SCTR: variants seen among roughly 807,000 people sequenced by gnomAD.
SCTR encodes pancreatic secretin receptor.
SCTR carries 56 observed loss-of-function variants against 60.8 expected under a neutral mutation model. The observed-to-expected ratio is 0.92, with a 90% CI of 0.74 to 1.15. The LOEUF (loss-of-function observed/expected upper bound fraction) is 1.15, where lower values mean the gene tolerates loss of function less well. SCTR is among the 50% of genes most tolerant of loss of function. SCTR has a pLI of 0.00. For missense variants in SCTR, 562 were observed against 550.4 expected (o/e 1.02, Z -0.21); for synonymous variants, 202 against 217.0 (o/e 0.93, Z 0.61).
chr2:119,466,228 G>A (rs1053475307), intron 4 of SCTR, among the ~76,000 whole-genome samples: 15 of 152,092 alleles, frequency 9.9e-5, no homozygotes, highest in Admixed American at 5.2e-4. Flanking sequence ...AAGTTATTTG[G>A]TGTAAAATAG....
chr2:119,487,956 C>T (rs907556948), intron 2 of SCTR, among the ~76,000 whole-genome samples: 4 of 152,118 alleles, frequency 2.6e-5, no homozygotes, highest in African/African-American at 7.2e-5. Flanking sequence ...GGAGAGGCCC[C>T]CTGGACACCA....
At chr2:119,486,817 A>C (rs1677888488) in intron 2 of SCTR, 1 of 152,278 alleles carries the variant, frequency 6.6e-6, no homozygotes, top group Non-Finnish European at 1.5e-5. Context: ...TTTTGGAAAA[A>C]TGAGCCAAGA....
chr2:119,493,038 A>G (rs1678199539), intron 2 of SCTR, among the ~76,000 whole-genome samples: 1 of 151,670 alleles, frequency 6.6e-6, no homozygotes. Flanking sequence ...TGTATTTTTA[A>G]TAGAGATGGG....
chr2:119,478,772 C>A, intron 3 of SCTR, 39 bp downstream of exon 3: 1 of 1,603,128 alleles, frequency 6.2e-7, no homozygotes. Context: ...AGGGACACCC[C>A]TCAGCCTGTC....
chr2:119,507,678 T>C (rs1017608670), intron 1 of SCTR, among the ~76,000 whole-genome samples: 419 of 83,836 alleles, frequency 5.0e-3, no homozygotes, highest in African/African-American at 0.013. Flanking sequence ...TTTTTTTTTT[T>C]TCTTTTTTTT....
chr2:119,480,090 A>G (rs1215004715), intron 2 of SCTR, among the ~76,000 whole-genome samples: 4 of 152,250 alleles, frequency 2.6e-5, no homozygotes, highest in Admixed American at 2.6e-4. Context: ...CAGTTGAAAT[A>G]CAATTAATTT....
intron 4 of SCTR, among the ~76,000 whole-genome samples, chr2:119,468,205 A>G (rs1683917511): frequency 6.6e-6 from 1 of 152,202 alleles, no homozygotes; most frequent in African/African-American, 2.4e-5. Flanking sequence ...ACAGTGGATA[A>G]GGGCTATTTA....
At position 119,461,970 on chromosome 2, in the gene SCTR, G is replaced by A; in HGVS notation, c.667C>T (p.Gln223Ter). 1 of 1,611,160 alleles carries A rather than the reference G, an allele frequency of 6.2e-7. No individual in the cohort carries two copies. Among genetic ancestry groups the A allele is most frequent in the Non-Finnish European group, 8.5e-7 (1 of 1,178,756 alleles). The change falls in exon 7 of 13, where the codon CAG (glutamine) becomes TAG (stop). Residue 223 changes from glutamine to a stop codon, truncating the protein, a stop_gained. Transcript: ENST00000019103. LOFTEE classifies it high-confidence loss of function. ...AGCKLVMVLF[Q>*]YCIMANYSWL... ...GAGTAGTTGGCCATGATGCAGTACTGGAACAGCACCATGACCAGCTTGCAG... is the reference window on the plus strand; with the variant it reads ...GAGTAGTTGGCCATGATGCAGTACTAGAACAGCACCATGACCAGCTTGCAG...
At chr2:119,501,422 A>T (rs887616672) in intron 1 of SCTR, among the ~76,000 whole-genome samples, 1 of 151,598 alleles carries the variant, frequency 6.6e-6, no homozygotes, top group Non-Finnish European at 1.5e-5. Context: ...AAAAAAAAAA[A>T]GTGGATCTCT....
At chr2:119,478,224 T>C (rs1369705035) in intron 3 of SCTR, among the ~76,000 whole-genome samples, 1 of 152,240 alleles carries the variant, frequency 6.6e-6, no homozygotes, top group Non-Finnish European at 1.5e-5. Context: ...GCAGGGGGTT[T>C]ATGATGAATA....
At chr2:119,520,146 A>C (rs1038968158) in intron 1 of SCTR, among the ~76,000 whole-genome samples, 1 of 152,148 alleles carries the variant, frequency 6.6e-6, no homozygotes, top group African/African-American at 2.4e-5. Flanking sequence ...AGAAAACTAG[A>C]AAGTGTTTTT....
intron 2 of SCTR, among the ~76,000 whole-genome samples, chr2:119,490,853 C>G (rs1454001624): frequency 6.6e-6 from 1 of 152,226 alleles, no homozygotes; most frequent in Non-Finnish European, 1.5e-5. Flanking sequence ...TCCCTAAGCA[C>G]AGCAGGCTGG....
intron 11 of SCTR, among the ~76,000 whole-genome samples, chr2:119,442,698 C>T (rs1176516880): frequency 2.6e-5 from 4 of 152,130 alleles, no homozygotes; most frequent in East Asian, 3.9e-4. Flanking sequence ...CTCAGGGCAT[C>T]GGTTTCCAAG....
intron 8 of SCTR, 68 bp downstream of exon 8, chr2:119,453,219 T>A: frequency 1.6e-6 from 2 of 1,225,080 alleles, no homozygotes; most frequent in South Asian, 2.4e-5. Context: ...TCCAAAGAAG[T>A]AACTATGCTG....
intron 3 of SCTR, among the ~76,000 whole-genome samples, chr2:119,473,761 A>G (rs745963724): frequency 2.0e-5 from 3 of 152,132 alleles, no homozygotes; most frequent in Admixed American, 6.5e-5. Context: ...TCCAGAGCCC[A>G]AGCTCTTAAG....
chr2:119,458,507 A>G (rs1185123156), intron 7 of SCTR, among the ~76,000 whole-genome samples: 1 of 151,976 alleles, frequency 6.6e-6, no homozygotes, highest in Admixed American at 6.5e-5. Flanking sequence ...AGGCTGAGGC[A>G]GGAGAATGGT....
chr2:119,498,011 A>G (rs767302857), intron 1 of SCTR, among the ~76,000 whole-genome samples: 7 of 152,186 alleles, frequency 4.6e-5, no homozygotes, highest in Admixed American at 2.6e-4. Flanking sequence ...GGCAAGAGAC[A>G]TACACTTGTA....
chr2:119,517,835 G>A (rs139548934), intron 1 of SCTR, among the ~76,000 whole-genome samples: 14 of 152,150 alleles, frequency 9.2e-5, no homozygotes, highest in Admixed American at 9.2e-4. Context: ...CTTCCACTTG[G>A]ATGCTGTTAT....
At position 119,464,197 on chromosome 2, in the gene SCTR, G is replaced by A. The variant is rs142033327; in HGVS notation, c.562C>T (p.Arg188Cys). ...HMHLFVSFILRALSNFIKDAV... is the reference protein window; with the variant it reads ...HMHLFVSFILCALSNFIKDAV... Reference sequence around the variant, plus strand: ...TCCTTGATGAAGTTGGACAGGGCACGAAGGATGAAGGACACGAACAGGTGC... The same window carrying A: ...TCCTTGATGAAGTTGGACAGGGCACAAAGGATGAAGGACACGAACAGGTGC... Residue 188 changes from arginine to cysteine, a missense_variant, in exon 6 of 13, where the codon CGT becomes TGT. Coordinates refer to ENST00000019103, the MANE Select transcript of SCTR (RefSeq NM_002980.3). 35 of 1,614,022 alleles carry A rather than the reference G, an allele frequency of 2.2e-5. No individual in the cohort carries two copies. Among genetic ancestry groups the A allele is most frequent in the Admixed American group, 3.3e-5 (2 of 60,004 alleles).
Sources: gnomAD v4.1 joint callset for allele counts (sites outside exome capture counted in the v4.1 genomes callset) on GRCh38, gnomAD v4.1.1 for gene constraint, MANE v1.5 for transcripts, NCBI Gene and HGNC (gene_info 2026-07-23, HGNC 2026-07-21) for gene names.